The following RSU1 variants were observed in gnomAD, a reference collection of about 807,000 sequenced individuals.
RSU1 encodes the protein Ras suppressor protein 1, also known as rsu-1.
In RSU1, 26 loss-of-function variants were observed where a neutral mutation model predicts 31.1. The observed-to-expected ratio is 0.84, with a 90% CI of 0.61 to 1.16. The LOEUF (loss-of-function observed/expected upper bound fraction) is 1.16. Ranked by LOEUF, RSU1 falls within the 50% of genes most tolerant of loss-of-function variation. The pLI is 0.00. For synonymous variants in RSU1, 164 were observed against 136.3 expected (o/e 1.20, Z -1.41); for missense variants, 320 against 339.1 (o/e 0.94, Z 0.44).
At chr10:16,601,246 G>A (rs1833710137) in intron 8 of RSU1, among the ~76,000 whole-genome samples, 1 of 152,200 alleles carries the variant, frequency 6.6e-6, no homozygotes, top group African/African-American at 2.4e-5. Flanking sequence ...AACTTCAGGA[G>A]CAAATGCTAA....
intron 8 of RSU1, among the ~76,000 whole-genome samples, chr10:16,596,223 A>G (rs1326850247): frequency 3.3e-5 from 5 of 152,110 alleles, no homozygotes; most frequent in African/African-American, 1.2e-4. Flanking sequence ...GGAGTATGTT[A>G]CCTTACATGA....
intron 4 of RSU1, among the ~76,000 whole-genome samples, chr10:16,759,576 G>T (rs1837166413): frequency 6.6e-6 from 1 of 152,140 alleles, no homozygotes; most frequent in African/African-American, 2.4e-5. Context: ...ACTTCTATGT[G>T]TTTATGAGAC....
At chr10:16,699,065 T>C (rs777169180) in intron 7 of RSU1, among the ~76,000 whole-genome samples, 5 of 152,238 alleles carry the variant, frequency 3.3e-5, no homozygotes, top group African/African-American at 4.8e-5. Context: ...ATGTTGGTCT[T>C]TCTTTTTAAC....
At chr10:16,718,982 C>A (rs377161283) in intron 7 of RSU1, among the ~76,000 whole-genome samples, 828 of 111,042 alleles carry the variant, frequency 7.5e-3, no homozygotes, top group African/African-American at 7.2e-3. Flanking sequence ...AACTTCATCT[C>A]AAAAAAAAAA....
chr10:16,747,538 C>T (rs1403705679), intron 7 of RSU1, among the ~76,000 whole-genome samples: 1 of 152,128 alleles, frequency 6.6e-6, no homozygotes, highest in Non-Finnish European at 1.5e-5. Flanking sequence ...AAACTGTCAC[C>T]AATTCCTGTT....
chr10:16,780,814 C>G (rs1211649916), intron 3 of RSU1, among the ~76,000 whole-genome samples: 2 of 152,180 alleles, frequency 1.3e-5, no homozygotes, highest in East Asian at 3.9e-4. Context: ...AATAAATTAC[C>G]TGTTACAACA....
intron 8 of RSU1, among the ~76,000 whole-genome samples, chr10:16,633,881 C>T (rs919255528): frequency 6.6e-6 from 1 of 152,174 alleles, no homozygotes. Flanking sequence ...TGACCGAGAC[C>T]GATTGGACAT....
chr10:16,673,776 T>G (rs1284192404), intron 8 of RSU1, among the ~76,000 whole-genome samples: 2 of 152,212 alleles, frequency 1.3e-5, no homozygotes, highest in East Asian at 3.8e-4. Flanking sequence ...ACTGAGGGAC[T>G]CTTTATGCTC....
intron 7 of RSU1, among the ~76,000 whole-genome samples, chr10:16,717,258 T>C (rs968964137): frequency 6.6e-6 from 1 of 152,190 alleles, no homozygotes; most frequent in Non-Finnish European, 1.5e-5. Flanking sequence ...CTGGAGATGG[T>C]GAGTGTGCAG....
rs1456761607 is a variant in RSU1, at chr10:16,633,997, C to T, written c.732-40501G>A. On this transcript the variant is annotated intron_variant, in intron 8 of 8. Coordinates refer to ENST00000345264, the MANE Select transcript of RSU1 (RefSeq NM_012425.4). ...CTGAAAGACAGATTACGGCAGTGCACGATCTCACACTGACGTTCAATCTGT... is the reference window on the plus strand; with the variant it reads ...CTGAAAGACAGATTACGGCAGTGCATGATCTCACACTGACGTTCAATCTGT... 2.0e-5 allele frequency among the ~76,000 whole-genome samples: 3 copies of T among 152,256 alleles called. 1 individual carries two copies.
chr10:16,687,336 A>G (rs1835457911), intron 8 of RSU1, among the ~76,000 whole-genome samples: 1 of 152,210 alleles, frequency 6.6e-6, no homozygotes, highest in African/African-American at 2.4e-5. Context: ...AAATGGGAAC[A>G]AGCACCTTCC....
chr10:16,630,697 GATCCATTTA>G (rs1182675262), intron 8 of RSU1, among the ~76,000 whole-genome samples: 2 of 152,154 alleles, frequency 1.3e-5, no homozygotes, highest in African/African-American at 2.4e-5. Flanking sequence ...CAGTGGTCAT[GATCCATTTA>G]ATTGAAAATA....
At chr10:16,647,304 A>G (rs1293544955) in intron 8 of RSU1, among the ~76,000 whole-genome samples, 2 of 152,184 alleles carry the variant, frequency 1.3e-5, no homozygotes, top group African/African-American at 4.8e-5. Context: ...GTGGATAGGT[A>G]TGTAAAGTGG....
chr10:16,771,296 G>C (rs1030611719), intron 3 of RSU1, among the ~76,000 whole-genome samples: 9 of 152,280 alleles, frequency 5.9e-5, no homozygotes, highest in African/African-American at 1.4e-4. Flanking sequence ...GAATATGATA[G>C]TGAAAAACAA....
chr10:16,719,449 T>G (rs1185044725), intron 7 of RSU1, among the ~76,000 whole-genome samples: 2 of 152,162 alleles, frequency 1.3e-5, no homozygotes, highest in Non-Finnish European at 2.9e-5. Flanking sequence ...TCGCGCTTCT[T>G]CACCTACCCA....
chr10:16,801,600 A>G (rs74991997), intron 2 of RSU1, among the ~76,000 whole-genome samples: 1,763 of 152,172 alleles, frequency 0.012, 57 homozygotes, highest in East Asian at 0.082. Flanking sequence ...ATTCTTCTGA[A>G]GCTTGCACAG....
At chr10:16,789,546 T>C (rs1361574829) in intron 2 of RSU1, among the ~76,000 whole-genome samples, 1 of 152,168 alleles carries the variant, frequency 6.6e-6, no homozygotes, top group East Asian at 1.9e-4. Context: ...GAGTTCACTG[T>C]GAGTCTTGTA....
At chr10:16,619,128 C>T (rs776835247) in intron 8 of RSU1, among the ~76,000 whole-genome samples, 9 of 152,262 alleles carry the variant, frequency 5.9e-5, no homozygotes, top group South Asian at 2.1e-4. Context: ...ACTCAAAACA[C>T]GTCTACTATG....
At chr10:16,636,397 T>C (rs1389237802) in intron 8 of RSU1, among the ~76,000 whole-genome samples, 3 of 152,178 alleles carry the variant, frequency 2.0e-5, no homozygotes, top group Admixed American at 2.0e-4. Flanking sequence ...TCCAATTCTT[T>C]GCCAAACTCT....
Sources: allele counts gnomAD v4.1 joint callset (sites outside exome capture counted in the v4.1 genomes callset), GRCh38; gene constraint gnomAD v4.1.1; transcripts MANE v1.5; gene names NCBI Gene and HGNC (gene_info 2026-07-23, HGNC 2026-07-21).